The following TRHDE variants were observed in gnomAD, a reference collection of about 807,000 sequenced individuals.
The protein encoded by TRHDE is thyrotropin-releasing hormone-degrading ectoenzyme.
In TRHDE, 72 loss-of-function variants were observed where a neutral mutation model predicts 125.7. The observed-to-expected ratio is 0.57, with a 90% CI of 0.47 to 0.70. The LOEUF is 0.70. TRHDE is among the 30% of genes least tolerant of loss of function. The pLI, the probability that TRHDE is intolerant of heterozygous loss-of-function variation, is 0.00. For synonymous variants in TRHDE, 509 were observed against 509.1 expected, an observed-to-expected ratio of 1.00 and a Z score of 0.00; for missense variants, 1,110 against 1,327.1, an observed-to-expected ratio of 0.84 and a Z score of 2.54.
At position 72,161,612 on chromosome 12, in the gene TRHDE, CT is replaced by C. The variant is rs567124266; in HGVS notation, n.279+55868del. Among the ~76,000 whole-genome samples, 401 of 152,014 alleles carry C rather than the reference CT, an allele frequency of 2.6e-3. 1 individual carries two copies. Among genetic ancestry groups the C allele is most frequent in the African/African-American group, 9.2e-3 (382 of 41,448 alleles). ...CTAGAGCCATGCTCCAACATAAGAG[CT>C]TTTTTTTCTGGGTTATCTGTGGGTG... On this transcript the variant is annotated intron_variant and non_coding_transcript_variant, in intron 2 of 4. Coordinates refer to the TRHDE transcript ENST00000548156.
At chr12:72,100,686 A>G (rs1875046985) in intron 1 of TRHDE, among the ~76,000 whole-genome samples, 1 of 152,216 alleles carries the variant, frequency 6.6e-6, no homozygotes, top group African/African-American at 2.4e-5. Flanking sequence ...AGGACCCTTG[A>G]AATGAAAATG....
intron 12 of TRHDE, among the ~76,000 whole-genome samples, chr12:72,581,113 T>TTTGGATAAAG (rs1871205398): frequency 6.6e-6 from 1 of 152,190 alleles, no homozygotes; most frequent in Admixed American, 6.5e-5. Flanking sequence ...CAGCAATGCC[T>TTTGGATAAAG]CATGGCACAA....
intron 3 of TRHDE, among the ~76,000 whole-genome samples, chr12:72,460,570 TG>T (rs1207991328): frequency 6.6e-6 from 1 of 152,200 alleles, no homozygotes; most frequent in Non-Finnish European, 1.5e-5. Flanking sequence ...CAAGTATTTT[TG>T]GAATAAATGA....
chr12:72,635,291 A>G (rs572578396), intron 15 of TRHDE, among the ~76,000 whole-genome samples: 1 of 152,264 alleles, frequency 6.6e-6, no homozygotes, highest in South Asian at 2.1e-4. Flanking sequence ...TTGGCTGCAT[A>G]AATGTCTTCT....
At chr12:72,177,838 G>A (rs903506223) in intron 2 of TRHDE, among the ~76,000 whole-genome samples, 7 of 151,916 alleles carry the variant, frequency 4.6e-5, no homozygotes, top group East Asian at 1.9e-4. Context: ...TGATTGGGCC[G>A]CCTATGAAAG....
intron 3 of TRHDE, among the ~76,000 whole-genome samples, chr12:72,432,484 C>T (rs1874535201): frequency 6.6e-6 from 1 of 152,184 alleles, no homozygotes; most frequent in Non-Finnish European, 1.5e-5. Context: ...GTACCTACTC[C>T]TTGCCGTCTG....
chr12:72,232,345 C>G (rs1007051846), intron 2 of TRHDE, among the ~76,000 whole-genome samples: 3 of 152,138 alleles, frequency 2.0e-5, no homozygotes, highest in Admixed American at 6.5e-5. Flanking sequence ...TGTCTAGTAC[C>G]TGGCCCTAGG....
chr12:72,216,694 A>G (rs1877899076), intron 2 of TRHDE, among the ~76,000 whole-genome samples: 1 of 152,140 alleles, frequency 6.6e-6, no homozygotes, highest in African/African-American at 2.4e-5. Context: ...TTGTTGTGTC[A>G]CCAAACAAAT....
intron 6 of TRHDE, among the ~76,000 whole-genome samples, chr12:72,524,681 C>T (rs1868302603): frequency 6.6e-6 from 1 of 152,106 alleles, no homozygotes; most frequent in Non-Finnish European, 1.5e-5. Flanking sequence ...ATCTCATCAG[C>T]CTCTTATGCG....
At chr12:72,481,839 A>G (rs2589279) in intron 5 of TRHDE, among the ~76,000 whole-genome samples, 57,416 of 151,656 alleles carry the variant, frequency 0.38, 13,001 homozygotes, top group African/African-American at 0.62. Flanking sequence ...TGTCATATAC[A>G]TCATTAAAGA....
intron 15 of TRHDE, among the ~76,000 whole-genome samples, chr12:72,638,694 G>A (rs1447245963): frequency 6.6e-6 from 1 of 151,810 alleles, no homozygotes; most frequent in African/African-American, 2.4e-5. Context: ...TTTTAGGGCA[G>A]GCCTGGTGGT....
At chr12:72,456,139 AC>A (rs1388368650) in intron 3 of TRHDE, among the ~76,000 whole-genome samples, 3 of 84,030 alleles carry the variant, frequency 3.6e-5, no homozygotes, top group Non-Finnish European at 4.2e-5. Context: ...ACACACACAC[AC>A]ACACACACAC....
chr12:72,453,150 A>T (rs1414304390), intron 3 of TRHDE, among the ~76,000 whole-genome samples: 1 of 152,190 alleles, frequency 6.6e-6, no homozygotes, highest in Non-Finnish European at 1.5e-5. Flanking sequence ...TTTTTAAGAG[A>T]CTGGGTAAAT....
rs1269069660 is a variant in TRHDE at position 72,666,850 on chromosome 12, AATTT to A, written c.*3657_*3660del. 1 of 152,050 alleles carries A rather than the reference AATTT, an allele frequency of 6.6e-6. No homozygotes were observed. The highest frequency in any genetic ancestry group is 2.4e-5 in the African/African-American group (1 of 41,438). The allele number at this position is 152,050 out of a possible 1,614,324, so 9.4% of individuals were successfully genotyped here. The stretch of plus-strand genomic sequence containing the variant: ...TAAATAATCAAATATTGGGACAAAT[AATTT>A]AATTCATTTAGTTTATTAATTATAT... On this transcript the variant is annotated 3_prime_UTR_variant, in exon 19 of 19. Transcript: ENST00000261180.
At chr12:72,511,497 T>A (rs1878579418) in intron 6 of TRHDE, among the ~76,000 whole-genome samples, 2 of 152,214 alleles carry the variant, frequency 1.3e-5, no homozygotes, top group African/African-American at 4.8e-5. Flanking sequence ...TACCAGACTT[T>A]GCTTTTGAAG....
intron 6 of TRHDE, among the ~76,000 whole-genome samples, chr12:72,537,709 C>A (rs1868937884): frequency 6.6e-6 from 1 of 152,052 alleles, no homozygotes; most frequent in Non-Finnish European, 1.5e-5. Context: ...TCCAGTCTTT[C>A]CAACTCATGT....
At chr12:72,381,696 G>A (rs879284056) in intron 3 of TRHDE, among the ~76,000 whole-genome samples, 2 of 152,174 alleles carry the variant, frequency 1.3e-5, no homozygotes, top group Non-Finnish European at 2.9e-5. Context: ...GCGCCCGGCC[G>A]AAAGTTTTTA....
Position 72,255,643 on chromosome 12 carries a change from G to A in TRHDE, n.280-122352G>A, listed in dbSNP as rs565748742. 18 of 152,252 alleles carry A rather than the reference G, an allele frequency of 1.2e-4. No homozygotes were observed. The South Asian group carries it at 2.7e-3, about 23-fold the overall frequency. 9.4% of individuals were successfully genotyped at this position (152,252 alleles called of 1,614,324 possible). A position where few individuals can be genotyped will look rare whatever the true frequency, so the allele number is the denominator to read the frequency against. On this transcript the variant is annotated intron_variant and non_coding_transcript_variant, in intron 2 of 4. Transcript: ENST00000548156. ...AGAGGAACAATCCCCGGGCTGTTCCGGGCAGTTCCTCTTTAACTTGAGATG... is the reference window on the plus strand; with the variant it reads ...AGAGGAACAATCCCCGGGCTGTTCCAGGCAGTTCCTCTTTAACTTGAGATG...
At chr12:72,365,979 T>C (rs1031824397) in intron 2 of TRHDE, among the ~76,000 whole-genome samples, 5 of 152,104 alleles carry the variant, frequency 3.3e-5, no homozygotes, top group Admixed American at 2.0e-4. Context: ...TGTGGCTCCT[T>C]TCTCCATCTT....
Sources: gnomAD v4.1 joint callset for allele counts (sites outside exome capture counted in the v4.1 genomes callset) on GRCh38, gnomAD v4.1.1 for gene constraint, MANE v1.5 for transcripts, NCBI Gene and HGNC (gene_info 2026-07-23, HGNC 2026-07-21) for gene names.